NKAIN3: variants seen among roughly 807,000 people sequenced by gnomAD.
NKAIN3 encodes the protein sodium/potassium transporting ATPase interacting 3.
A neutral mutation model predicts 30.2 loss-of-function variants in NKAIN3; 25 were observed. The observed-to-expected ratio is 0.83, with a 90% confidence interval of 0.60 to 1.16. The LOEUF (loss-of-function observed/expected upper bound fraction) is 1.16, where lower values mean the gene tolerates loss of function less well. Ranked by LOEUF, NKAIN3 falls within the 50% of genes most tolerant of loss-of-function variation. The pLI is 0.00. For missense variants in NKAIN3, 225 were observed against 254.1 expected, an observed-to-expected ratio of 0.89 and a Z score of 0.78; for synonymous variants, 91 against 89.6, an observed-to-expected ratio of 1.02 and a Z score of -0.09.
At chr8:62,387,543 T>A (rs938001810) in intron 1 of NKAIN3, among the ~76,000 whole-genome samples, 1 of 152,188 alleles carries the variant, frequency 6.6e-6, no homozygotes, top group Non-Finnish European at 1.5e-5. Flanking sequence ...TTATGGAAGA[T>A]ACATAAGACA....
chr8:62,769,365 T>C (rs946724748), intron 4 of NKAIN3, among the ~76,000 whole-genome samples: 8 of 152,204 alleles, frequency 5.3e-5, no homozygotes, highest in African/African-American at 1.7e-4. Context: ...TATCAATACA[T>C]GCTAAGGTAC....
At chr8:62,453,794 C>T (rs986355973) in intron 1 of NKAIN3, among the ~76,000 whole-genome samples, 1 of 152,054 alleles carries the variant, frequency 6.6e-6, no homozygotes, top group Non-Finnish European at 1.5e-5. Flanking sequence ...TGATAAATTC[C>T]TGGAAACATA....
intron 6 of NKAIN3, among the ~76,000 whole-genome samples, chr8:62,958,236 G>T (rs909722909): frequency 1.3e-5 from 2 of 152,028 alleles, no homozygotes; most frequent in Non-Finnish European, 2.9e-5. Context: ...AGCTCTCGGT[G>T]AGGACCCTAA....
intron 1 of NKAIN3, among the ~76,000 whole-genome samples, chr8:62,368,372 T>C (rs1400942206): frequency 6.6e-6 from 1 of 152,118 alleles, no homozygotes; most frequent in Non-Finnish European, 1.5e-5. Flanking sequence ...GTAGACAGAA[T>C]AGAGGGCCAA....
intron 4 of NKAIN3, among the ~76,000 whole-genome samples, chr8:62,815,700 G>A (rs189805322): frequency 1.3e-5 from 2 of 152,220 alleles, no homozygotes; most frequent in African/African-American, 2.4e-5. Context: ...CAATAAATTA[G>A]GTATTGATGG....
At chr8:62,295,800 T>A (rs917810959) in intron 1 of NKAIN3, among the ~76,000 whole-genome samples, 1 of 143,932 alleles carries the variant, frequency 6.9e-6, no homozygotes, top group Admixed American at 7.0e-5. Context: ...ATTAATTATA[T>A]TTGTTTGTTT....
At position 62,635,482 on chromosome 8, in the gene NKAIN3, T is replaced by C. The variant is rs550343734; in HGVS notation, c.273+45688T>C. Among the ~76,000 whole-genome samples, 16 of 152,286 alleles carry C rather than the reference T, an allele frequency of 1.1e-4. No individual in the cohort carries two copies. The South Asian group carries it at 3.3e-3, about 32-fold the overall frequency. ...TGCACAGCATGCCTGAATGGATTTATTGTTGGGAACTGCTTAGGAAAGTGC... is the reference window on the plus strand; with the variant it reads ...TGCACAGCATGCCTGAATGGATTTACTGTTGGGAACTGCTTAGGAAAGTGC... On this transcript the variant is annotated intron_variant, in intron 3 of 6. Transcript: ENST00000623646.
intron 2 of NKAIN3, among the ~76,000 whole-genome samples, chr8:62,585,747 G>A (rs909042654): frequency 6.6e-6 from 1 of 152,122 alleles, no homozygotes; most frequent in African/African-American, 2.4e-5. Context: ...GGGGAATACT[G>A]TGTTCTGTCT....
intron 3 of NKAIN3, among the ~76,000 whole-genome samples, chr8:62,738,442 T>C (rs1449643712): frequency 1.3e-5 from 2 of 151,780 alleles, no homozygotes; most frequent in African/African-American, 2.4e-5. Flanking sequence ...TCTACTAAAA[T>C]ACAAAAATTA....
At chr8:62,465,013 A>T (rs1806115066) in intron 1 of NKAIN3, among the ~76,000 whole-genome samples, 1 of 152,170 alleles carries the variant, frequency 6.6e-6, no homozygotes, top group Non-Finnish European at 1.5e-5. Context: ...CATTTTGCCT[A>T]TTTGGAAAAC....
chr8:62,544,756 C>T (rs1212781910), intron 1 of NKAIN3, among the ~76,000 whole-genome samples: 1 of 151,956 alleles, frequency 6.6e-6, no homozygotes, highest in Non-Finnish European at 1.5e-5. Flanking sequence ...CACTGATTCC[C>T]CTTGCAGCTA....
At chr8:62,420,480 A>C (rs1804601268) in intron 1 of NKAIN3, among the ~76,000 whole-genome samples, 2 of 152,150 alleles carry the variant, frequency 1.3e-5, no homozygotes. Flanking sequence ...GTTCACCAAG[A>C]TTCTTTTTGG....
At chr8:62,754,362 G>GCACACACACA (rs35621967) in intron 4 of NKAIN3, among the ~76,000 whole-genome samples, 1 of 149,400 alleles carries the variant, frequency 6.7e-6, no homozygotes, top group African/African-American at 2.5e-5. Context: ...GTTGATTAGT[G>GCACACACACA]CACACACACA....
chr8:62,775,161 A>G (rs943701684), intron 4 of NKAIN3, among the ~76,000 whole-genome samples: 1 of 151,902 alleles, frequency 6.6e-6, no homozygotes, highest in African/African-American at 2.4e-5. Context: ...AATTTATCTA[A>G]TTCTTCTAAA....
intron 1 of NKAIN3, among the ~76,000 whole-genome samples, chr8:62,504,063 C>T (rs1807552792): frequency 6.6e-6 from 1 of 152,238 alleles, no homozygotes; most frequent in African/African-American, 2.4e-5. Flanking sequence ...ACGGCGCCAG[C>T]CGGTCCCTCC....
intron 1 of NKAIN3, among the ~76,000 whole-genome samples, chr8:62,564,769 A>AAT (rs1365499489): frequency 6.6e-6 from 1 of 152,144 alleles, no homozygotes; most frequent in Non-Finnish European, 1.5e-5. Context: ...GAAGATGTAA[A>AAT]ATGTATTACC....
intron 1 of NKAIN3, among the ~76,000 whole-genome samples, chr8:62,328,687 C>T (rs908312237): frequency 6.6e-6 from 1 of 152,128 alleles, no homozygotes; most frequent in African/African-American, 2.4e-5. Context: ...TACCTCTCTA[C>T]ATTCTCCAGA....
intron 3 of NKAIN3, among the ~76,000 whole-genome samples, chr8:62,654,035 A>G (rs1812698723): frequency 6.6e-6 from 1 of 152,150 alleles, no homozygotes; most frequent in Non-Finnish European, 1.5e-5. Context: ...CACAGCATAA[A>G]TAAAACAAAC....
intron 3 of NKAIN3, among the ~76,000 whole-genome samples, chr8:62,592,837 A>AGAGT (rs1810695940): frequency 6.6e-6 from 1 of 152,030 alleles, no homozygotes; most frequent in Admixed American, 6.6e-5. Context: ...CTTCAAATAA[A>AGAGT]GAGTATGAAT....
Sources: gnomAD v4.1 joint callset for allele counts (sites outside exome capture counted in the v4.1 genomes callset) on GRCh38, gnomAD v4.1.1 for gene constraint, MANE v1.5 for transcripts, NCBI Gene and HGNC (gene_info 2026-07-23, HGNC 2026-07-21) for gene names.